CTNNA3: variants seen among roughly 807,000 people sequenced by gnomAD.
The protein encoded by CTNNA3 is catenin alpha 3.
CTNNA3 carries 76 observed loss-of-function variants against 95.7 expected under a neutral mutation model. The ratio of observed to expected loss-of-function variants is 0.79; its 90% CI spans 0.66 to 0.96. The LOEUF is 0.96. CTNNA3 is among the 40% of genes least tolerant of loss of function. CTNNA3 has a pLI of 0.00. For missense variants in CTNNA3, 1,191 were observed against 1,089.8 expected (o/e 1.09, Z -1.31); for synonymous variants, 431 against 374.4 (o/e 1.15, Z -1.74).
intron 8 of CTNNA3, among the ~76,000 whole-genome samples, chr10:66,773,314 C>A (rs1281762589): frequency 6.6e-6 from 1 of 152,148 alleles, no homozygotes; most frequent in African/African-American, 2.4e-5. Flanking sequence ...CTGTTTTTTA[C>A]TTACAGATTA....
chr10:66,127,781 C>T (rs966238517), intron 13 of CTNNA3, among the ~76,000 whole-genome samples: 20 of 152,158 alleles, frequency 1.3e-4, no homozygotes, highest in African/African-American at 2.4e-5. Context: ...TATGTTCTAT[C>T]TTCTCAATTA....
intron 7 of CTNNA3, among the ~76,000 whole-genome samples, chr10:67,145,748 G>A (rs988990138): frequency 3.3e-4 from 50 of 151,610 alleles, no homozygotes; most frequent in Admixed American, 2.2e-3. Flanking sequence ...TTTTTCATAC[G>A]GTATCTATTA....
chr10:66,520,733 C>A lies in CTNNA3; in HGVS notation c.1415G>T (p.Ser472Ile), dbSNP rs1217625718. 1.2e-6 allele frequency: 2 copies of A among 1,612,906 alleles called. No individual in the cohort carries two copies. The highest frequency in any genetic ancestry group is 2.7e-5 in the African/African-American group (2 of 74,808). The change falls in exon 11 of 18, where the codon AGT (serine) becomes ATT (isoleucine). Residue 472 changes from serine (S) to isoleucine (I), a missense_variant. Ser to Ile is a moderately radical substitution (Grantham distance 142). Transcript: ENST00000433211. ...AALALAARPK[S>I]QAVKNTMEMY... ...TTCCATGGTGTTTTTGACCGCTTGA[C>A]TTTTGGGTCTTGCAGCCAAAGCAAG...
In CTNNA3 at chr10:66,331,342, G is replaced by GTTT. The variant is rs60709020; in HGVS notation, c.1732+47807_1732+47809dup. ...ATATGGACTCCTTTCCCCATTGTTT[G>GTTT]TTTTTTTTTTTTTTTTTTTTTTTTT... On this transcript the variant is annotated intron_variant, in intron 12 of 17. Coordinates refer to ENST00000433211, the MANE Select transcript of CTNNA3 (RefSeq NM_013266.4). Among the ~76,000 whole-genome samples the GTTT allele has an allele frequency of 7.6e-4, 61 of 80,318 alleles. 2 individuals carry two copies. The highest frequency in any genetic ancestry group is 1.5e-3 in the African/African-American group (32 of 21,182). The allele number at this position is 80,318 out of a possible 152,430, so 52.7% of individuals were successfully genotyped here.
At chr10:67,569,465 C>T (rs1841915713) in intron 3 of CTNNA3, among the ~76,000 whole-genome samples, 1 of 152,108 alleles carries the variant, frequency 6.6e-6, no homozygotes, top group South Asian at 2.1e-4. Flanking sequence ...TGCATGTTAA[C>T]AGGTTGATTT....
intron 5 of CTNNA3, among the ~76,000 whole-genome samples, chr10:67,249,150 G>C (rs1369896967): frequency 2.0e-5 from 3 of 151,904 alleles, no homozygotes; most frequent in African/African-American, 7.3e-5. Context: ...AAAGTAAAAA[G>C]ACAATATACA....
chr10:66,865,431 G>A (rs755163462), intron 7 of CTNNA3, among the ~76,000 whole-genome samples: 16 of 152,086 alleles, frequency 1.1e-4, no homozygotes, highest in Non-Finnish European at 1.9e-4. Context: ...CAGTAAATTC[G>A]AGTATGTGTG....
intron 11 of CTNNA3, among the ~76,000 whole-genome samples, chr10:66,398,876 C>A (rs1025673820): frequency 9.2e-5 from 14 of 152,130 alleles, no homozygotes; most frequent in Middle Eastern, 3.4e-3. Context: ...GTTATTATCT[C>A]AGCAACCTTG....
At chr10:67,512,724 C>T (rs1839677072) in intron 5 of CTNNA3, among the ~76,000 whole-genome samples, 1 of 151,266 alleles carries the variant, frequency 6.6e-6, no homozygotes, top group Non-Finnish European at 1.5e-5. Context: ...CGGTGGCTCA[C>T]ACCTGTAATT....
chr10:66,051,134 C>T (rs187967875), intron 15 of CTNNA3, among the ~76,000 whole-genome samples: 1 of 152,240 alleles, frequency 6.6e-6, no homozygotes, highest in Admixed American at 6.5e-5. Flanking sequence ...CTTAGCCTCC[C>T]AAAGTGCTGA....
chr10:67,322,685 C>A (rs1841376515), intron 5 of CTNNA3, among the ~76,000 whole-genome samples: 2 of 152,306 alleles, frequency 1.3e-5, no homozygotes, highest in South Asian at 2.1e-4. Flanking sequence ...AATTAGCACA[C>A]AAGTGCATGC....
At chr10:66,213,504 G>A (rs757227786) in intron 13 of CTNNA3, among the ~76,000 whole-genome samples, 1 of 152,118 alleles carries the variant, frequency 6.6e-6, no homozygotes, top group Non-Finnish European at 1.5e-5. Context: ...GATATAAGCA[G>A]ATGATCTCCA....
At chr10:66,124,684 T>C (rs769496901) in intron 13 of CTNNA3, among the ~76,000 whole-genome samples, 8 of 152,132 alleles carry the variant, frequency 5.3e-5, no homozygotes, top group Non-Finnish European at 8.8e-5. Flanking sequence ...CTCACAATCA[T>C]GAAGGAAGGC....
At chr10:66,427,397 C>T (rs2132654299) in intron 11 of CTNNA3, among the ~76,000 whole-genome samples, 1 of 151,988 alleles carries the variant, frequency 6.6e-6, no homozygotes, top group African/African-American at 2.4e-5. Flanking sequence ...TTTGTACTAG[C>T]CTTCCCCTAA....
At chr10:65,955,989 G>C (rs1269016981) in intron 17 of CTNNA3, among the ~76,000 whole-genome samples, 1 of 152,084 alleles carries the variant, frequency 6.6e-6, no homozygotes, top group East Asian at 1.9e-4. Context: ...GTGCCTCTGG[G>C]AGAATTTGGC....
chr10:66,455,731 T>C (rs1384124742), intron 11 of CTNNA3, among the ~76,000 whole-genome samples: 1 of 152,206 alleles, frequency 6.6e-6, no homozygotes, highest in East Asian at 1.9e-4. Context: ...CACAAGGAGC[T>C]GTCATTCTGC....
chr10:66,191,446 C>G (rs2086661815), intron 13 of CTNNA3, among the ~76,000 whole-genome samples: 1 of 151,960 alleles, frequency 6.6e-6, no homozygotes, highest in African/African-American at 2.4e-5. Flanking sequence ...TCCTTTAACC[C>G]AATTACCAGG....
Position 67,704,266 on chromosome 10 carries a change from T to G in CTNNA3, c.-1-56752A>C, listed in dbSNP as rs191582178. Among the ~76,000 whole-genome samples the G allele has an allele frequency of 3.3e-3, 500 of 152,164 alleles. 3 individuals carry two copies. The highest frequency in any genetic ancestry group is 9.9e-3 in the East Asian group (51 of 5,172). On this transcript the variant is annotated intron_variant, in intron 1 of 17. Coordinates refer to the CTNNA3 transcript ENST00000684154. Reference sequence around the variant, plus strand: ...ACCAATGACTTTCTTCACAGAATTGTAAAAAACTGCTTTAAAGTTTGTATG... The same window carrying G: ...ACCAATGACTTTCTTCACAGAATTGGAAAAAACTGCTTTAAAGTTTGTATG...
At chr10:66,116,089 T>C (rs2082331416) in intron 13 of CTNNA3, among the ~76,000 whole-genome samples, 1 of 152,202 alleles carries the variant, frequency 6.6e-6, no homozygotes, top group South Asian at 2.1e-4. Flanking sequence ...GGAAGAATTA[T>C]GCTCTGTATT....
Sources: gnomAD v4.1 joint callset for allele counts (sites outside exome capture counted in the v4.1 genomes callset) on GRCh38, gnomAD v4.1.1 for gene constraint, MANE v1.5 for transcripts, NCBI Gene and HGNC (gene_info 2026-07-23, HGNC 2026-07-21) for gene names.